Variants in FHIT observed in about 807,000 individuals in gnomAD.
FHIT encodes fragile histidine triad diadenosine triphosphatase, also known as bis(5'-adenosyl)-triphosphatase.
A neutral mutation model predicts 17.9 loss-of-function variants in FHIT; 19 were observed. That is an observed-to-expected ratio of 1.06 (90% CI 0.74 to 1.56). The LOEUF (loss-of-function observed/expected upper bound fraction) is 1.56, where lower values mean the gene tolerates loss of function less well. Ranked by LOEUF, FHIT falls within the 40% of genes most tolerant of loss-of-function variation. The pLI, the probability that FHIT is intolerant of heterozygous loss-of-function variation, is 0.00. For synonymous variants in FHIT, 81 were observed against 69.7 expected (o/e 1.16, Z -0.81); for missense variants, 248 against 189.2 (o/e 1.31, Z -1.82).
intron 8 of FHIT, among the ~76,000 whole-genome samples, chr3:59,786,275 C>A (rs1438956381): frequency 6.6e-6 from 1 of 152,122 alleles, no homozygotes; most frequent in East Asian, 1.9e-4. Context: ...TCTCCCTCAC[C>A]ACTTAAAGTG....
chr3:60,340,601 G>A (rs977054341), intron 5 of FHIT, among the ~76,000 whole-genome samples: 8 of 152,206 alleles, frequency 5.3e-5, no homozygotes, highest in Non-Finnish European at 1.0e-4. Context: ...TAAGCAACAT[G>A]TCAGAATATG....
Position 60,188,193 on chromosome 3 carries a change from T to C in FHIT, c.104-174041A>G, listed in dbSNP as rs144640595. Among the ~76,000 whole-genome samples, 681 of 146,448 alleles carry C rather than the reference T, an allele frequency of 4.7e-3. 9 individuals carry two copies. Among genetic ancestry groups the C allele is most frequent in the Admixed American group, 0.034 (480 of 14,028 alleles). ...ACAGGTGTCTATGAACTCAGGGATC[T>C]TGACAGTTTCTTTCTTTTTTTTTTT... On this transcript the variant is annotated intron_variant, in intron 5 of 9. Transcript: ENST00000492590.
At chr3:61,089,766 C>G (rs1422689116) in intron 2 of FHIT, among the ~76,000 whole-genome samples, 2 of 152,076 alleles carry the variant, frequency 1.3e-5, no homozygotes, top group African/African-American at 4.8e-5. Context: ...AATTATCCCC[C>G]CATAACCAAA....
At chr3:60,305,723 A>G (rs1708641067) in intron 5 of FHIT, among the ~76,000 whole-genome samples, 1 of 152,158 alleles carries the variant, frequency 6.6e-6, no homozygotes, top group Non-Finnish European at 1.5e-5. Context: ...TGGTGCTTTT[A>G]CATTCTCAGA....
At chr3:60,854,555 A>ATTTTT (rs35428632) in intron 3 of FHIT, among the ~76,000 whole-genome samples, 1 of 138,510 alleles carries the variant, frequency 7.2e-6, no homozygotes. Context: ...GCCTACTTCT[A>ATTTTT]TTTTTTTTTT....
chr3:61,133,076 A>G (rs1576075500), intron 2 of FHIT, among the ~76,000 whole-genome samples: 4 of 152,218 alleles, frequency 2.6e-5, no homozygotes, highest in Non-Finnish European at 4.4e-5. Flanking sequence ...TAATTCATTC[A>G]TATTCATCCT....
At chr3:60,501,781 T>C (rs1054711317) in intron 5 of FHIT, among the ~76,000 whole-genome samples, 4 of 152,226 alleles carry the variant, frequency 2.6e-5, no homozygotes, top group African/African-American at 7.2e-5. Context: ...CTTTCCTCTA[T>C]TGGAAATGTA....
intron 2 of FHIT, among the ~76,000 whole-genome samples, chr3:61,103,485 A>G (rs568696908): frequency 1.0e-3 from 155 of 152,236 alleles, no homozygotes; most frequent in Non-Finnish European, 1.7e-3. Flanking sequence ...TTTGTGGTCA[A>G]TTTTAGAATA....
At chr3:60,115,108 T>C (rs569993682) in intron 5 of FHIT, among the ~76,000 whole-genome samples, 3 of 152,218 alleles carry the variant, frequency 2.0e-5, no homozygotes, top group African/African-American at 7.2e-5. Context: ...GAAACTTTTA[T>C]CTGGATTAAA....
intron 4 of FHIT, among the ~76,000 whole-genome samples, chr3:60,802,739 G>T (rs1447571940): frequency 6.6e-6 from 1 of 150,514 alleles, no homozygotes; most frequent in East Asian, 2.0e-4. Flanking sequence ...GCCTTCAGAA[G>T]AACAGAGGTG....
At chr3:61,147,568 A>G (rs537275226) in intron 2 of FHIT, among the ~76,000 whole-genome samples, 30 of 152,140 alleles carry the variant, frequency 2.0e-4, no homozygotes, top group African/African-American at 6.7e-4. Context: ...GATATCCCCA[A>G]ATTTCCCAGT....
Position 60,531,637 on chromosome 3 carries a change from A to C in FHIT, c.103+5223T>G, listed in dbSNP as rs945534520. Among the ~76,000 whole-genome samples, 3 of 152,316 alleles carry C rather than the reference A, an allele frequency of 2.0e-5. No homozygotes were observed. In the South Asian group the frequency reaches 6.2e-4, roughly 32 times the overall value. The stretch of plus-strand genomic sequence containing the variant: ...AATAACTGCAGTTTCCTGAACAATT[A>C]AAGGAATTCACAAGATTACAACCTA... On this transcript the variant is annotated intron_variant, in intron 5 of 9. Coordinates refer to ENST00000492590, the MANE Select transcript of FHIT (RefSeq NM_002012.4).
chr3:60,055,989 T>C (rs1702065411), intron 5 of FHIT, among the ~76,000 whole-genome samples: 1 of 152,212 alleles, frequency 6.6e-6, no homozygotes, highest in African/African-American at 2.4e-5. Context: ...GTTGTGGAAG[T>C]GCTTCAGGCA....
intron 5 of FHIT, among the ~76,000 whole-genome samples, chr3:60,240,029 AAAC>A (rs1705046976): frequency 6.6e-6 from 1 of 152,212 alleles, no homozygotes; most frequent in Admixed American, 6.5e-5. Context: ...GGATTAAATA[AAAC>A]AACACAAAAA....
intron 8 of FHIT, among the ~76,000 whole-genome samples, chr3:59,792,822 C>T (rs1699620238): frequency 6.6e-6 from 1 of 150,620 alleles, no homozygotes; most frequent in Admixed American, 6.6e-5. Flanking sequence ...GTTGTTCACC[C>T]AACCATCATA....
chr3:61,009,244 G>A (rs1029087396), intron 3 of FHIT, among the ~76,000 whole-genome samples: 3 of 152,196 alleles, frequency 2.0e-5, no homozygotes, highest in Admixed American at 1.3e-4. Flanking sequence ...CAGCAGGGGT[G>A]CAGGCATGAG....
At chr3:60,204,444 G>GTTTTT (rs56126245) in intron 5 of FHIT, among the ~76,000 whole-genome samples, 1 of 114,968 alleles carries the variant, frequency 8.7e-6, no homozygotes. Flanking sequence ...TAATATTCTG[G>GTTTTT]TTTTTTTTTT....
intron 2 of FHIT, among the ~76,000 whole-genome samples, chr3:61,118,408 T>TGTAC (rs1553846724): frequency 6.6e-6 from 1 of 151,586 alleles, no homozygotes; most frequent in Non-Finnish European, 1.5e-5. Flanking sequence ...TTTTTGGAGC[T>TGTAC]GTAACGAAAG....
chr3:60,617,218 G>A (rs546643212), intron 4 of FHIT: 1 of 174,460 alleles, frequency 5.7e-6, no homozygotes, highest in African/African-American at 2.4e-5. Context: ...AAAACAATGG[G>A]ATCTATGAAG....
Sources: allele counts gnomAD v4.1 joint callset (sites outside exome capture counted in the v4.1 genomes callset), GRCh38; gene constraint gnomAD v4.1.1; transcripts MANE v1.5; gene names NCBI Gene and HGNC (gene_info 2026-07-23, HGNC 2026-07-21).